HMGCLL1: variants seen among roughly 807,000 people sequenced by gnomAD.
The protein encoded by HMGCLL1 is 3-hydroxymethyl-3-methylglutaryl-CoA lyase, cytoplasmic.
Under a neutral mutation model 39.1 loss-of-function variants are expected in HMGCLL1, and 36 were observed. The observed-to-expected ratio is 0.92, with a 90% CI of 0.71 to 1.22. HMGCLL1 has a LOEUF of 1.22. Among genes scored for constraint, HMGCLL1 ranks in the 50% most tolerant of loss-of-function variants. The pLI, the probability that HMGCLL1 is intolerant of heterozygous loss-of-function variation, is 0.00. For synonymous variants in HMGCLL1, 149 were observed against 144.0 expected (o/e 1.03, Z -0.25); for missense variants, 451 against 416.5 (o/e 1.08, Z -0.72).
chr6:55,671,062 G>T, the HMGCLL1 span, among the ~76,000 whole-genome samples: 1 of 151,870 alleles, frequency 6.6e-6, no homozygotes, highest in Non-Finnish European at 1.5e-5. Flanking sequence ...AATGATAAAA[G>T]GGTCCATTTT....
chr6:55,597,328 A>G, the HMGCLL1 span, among the ~76,000 whole-genome samples: 1 of 152,182 alleles, frequency 6.6e-6, no homozygotes. Context: ...TTTTCATCAT[A>G]AGAGTGCTAA....
chr6:55,607,597 C>T, the HMGCLL1 span, among the ~76,000 whole-genome samples: 2 of 152,120 alleles, frequency 1.3e-5, no homozygotes, highest in African/African-American at 2.4e-5. Flanking sequence ...AAATAAAGGA[C>T]CAGCATCTCA....
chr6:55,495,664 C>G, intron 6 of HMGCLL1, 57 bp from the exon 7 acceptor site: 1 of 1,317,374 alleles, frequency 7.6e-7, no homozygotes. Flanking sequence ...CTCAAACCCT[C>G]TTGTGCCACA....
chr6:55,632,529 A>T, the HMGCLL1 span, among the ~76,000 whole-genome samples: 1 of 151,792 alleles, frequency 6.6e-6, no homozygotes, highest in Non-Finnish European at 1.5e-5. Context: ...ATATCAAAAA[A>T]TAGCAAGCCT....
intron 7 of HMGCLL1, among the ~76,000 whole-genome samples, chr6:55,451,907 C>T (rs1392733670): frequency 6.6e-6 from 1 of 152,080 alleles, no homozygotes; most frequent in East Asian, 1.9e-4. Flanking sequence ...AAGCAGCAGG[C>T]AGTATATATT....
chr6:55,608,236 T>C, the HMGCLL1 span, among the ~76,000 whole-genome samples: 1 of 152,220 alleles, frequency 6.6e-6, no homozygotes, highest in African/African-American at 2.4e-5. Context: ...TCCTTTAATA[T>C]GTACTCCATG....
intron 1 of HMGCLL1, among the ~76,000 whole-genome samples, chr6:55,554,236 G>T (rs1427399193): frequency 6.6e-6 from 1 of 152,106 alleles, no homozygotes; most frequent in Non-Finnish European, 1.5e-5. Context: ...ATGCTTAGAG[G>T]CAAGAGTATC....
At chr6:55,560,845 A>G (rs1366712191) in intron 1 of HMGCLL1, among the ~76,000 whole-genome samples, 2 of 152,146 alleles carry the variant, frequency 1.3e-5, no homozygotes, top group Non-Finnish European at 2.9e-5. Context: ...ACCAAAACAA[A>G]GAAAAAAATT....
At chr6:55,524,383 A>T (rs9475340) in intron 3 of HMGCLL1, among the ~76,000 whole-genome samples, 102,038 of 150,206 alleles carry the variant, frequency 0.68, 34,724 homozygotes, top group Admixed American at 0.72. Context: ...TAAAATTTTA[A>T]AATTTCATAA....
intron 5 of HMGCLL1, among the ~76,000 whole-genome samples, chr6:55,511,771 T>C (rs1767475467): frequency 6.6e-6 from 1 of 152,174 alleles, no homozygotes; most frequent in Middle Eastern, 3.4e-3. Flanking sequence ...TTTATATAAA[T>C]TGTTGGGAGG....
chr6:55,658,912 A>G, the HMGCLL1 span, among the ~76,000 whole-genome samples: 1 of 151,906 alleles, frequency 6.6e-6, no homozygotes, highest in African/African-American at 2.4e-5. Context: ...AGACTGGGGC[A>G]TCAGAGGATC....
rs568052848 is a variant in HMGCLL1 at position 55,437,550 on chromosome 6, C to A, written c.922-1787G>T. Reference sequence around the variant, plus strand: ...CACTGTATGCAGGCAGAGAGAAGAGCAGTCCAAGATATCTTAAATATCCAT... The same window carrying A: ...CACTGTATGCAGGCAGAGAGAAGAGAAGTCCAAGATATCTTAAATATCCAT... On this transcript the variant is annotated intron_variant, in intron 8 of 8. Coordinates refer to ENST00000274901, the MANE Select transcript of HMGCLL1 (RefSeq NM_001042406.2). Among the ~76,000 whole-genome samples, 370 of 152,032 alleles carry A rather than the reference C, an allele frequency of 2.4e-3. 1 individual carries two copies. Among genetic ancestry groups the A allele is most frequent in the Non-Finnish European group, 4.3e-3 (293 of 67,928 alleles).
intron 5 of HMGCLL1, 146 bp from the exon 6 acceptor site, chr6:55,499,445 A>G (rs767030246): frequency 3.2e-5 from 17 of 538,298 alleles, no homozygotes; most frequent in Non-Finnish European, 4.8e-5. Context: ...GACCAAACCA[A>G]ATGAAGTTTG....
chr6:55,509,189 T>C (rs1581874653), intron 5 of HMGCLL1, among the ~76,000 whole-genome samples: 1 of 151,950 alleles, frequency 6.6e-6, no homozygotes, highest in Non-Finnish European at 1.5e-5. Context: ...GATGATTGAA[T>C]TGTTCTTCCA....
chr6:55,492,142 TA>T (rs376989259), intron 7 of HMGCLL1, among the ~76,000 whole-genome samples: 187 of 152,218 alleles, frequency 1.2e-3, no homozygotes, highest in African/African-American at 4.3e-3. Context: ...ACCCCTAAAT[TA>T]AAGCAAATGA....
chr6:55,544,615 T>A (rs907331464), intron 1 of HMGCLL1, among the ~76,000 whole-genome samples: 4 of 152,146 alleles, frequency 2.6e-5, no homozygotes, highest in Non-Finnish European at 5.9e-5. Context: ...CTGTTTTGAA[T>A]GCAGAACCAA....
the HMGCLL1 span, among the ~76,000 whole-genome samples, chr6:55,588,905 C>A: frequency 6.6e-6 from 1 of 152,230 alleles, no homozygotes; most frequent in South Asian, 2.1e-4. Context: ...CAAATTGAGA[C>A]AATAATTAAT....
chr6:55,455,526 CAT>C (rs1482693923), intron 7 of HMGCLL1, among the ~76,000 whole-genome samples: 3 of 152,028 alleles, frequency 2.0e-5, no homozygotes, highest in South Asian at 2.1e-4. Context: ...GTCTAGAAAA[CAT>C]AATATAATCC....
At chr6:55,482,236 C>T (rs1412274883) in intron 7 of HMGCLL1, among the ~76,000 whole-genome samples, 1 of 151,946 alleles carries the variant, frequency 6.6e-6, no homozygotes, top group East Asian at 1.9e-4. Context: ...TTAGGCATAC[C>T]CTTAATCCTT....
Sources: gnomAD v4.1 joint callset for allele counts (sites outside exome capture counted in the v4.1 genomes callset) on GRCh38, gnomAD v4.1.1 for gene constraint, MANE v1.5 for transcripts, NCBI Gene and HGNC (gene_info 2026-07-23, HGNC 2026-07-21) for gene names.